RASSF4: variants seen among roughly 807,000 people sequenced by gnomAD.
RASSF4 encodes ras association domain-containing protein 4.
A neutral mutation model predicts 41.1 loss-of-function variants in RASSF4; 38 were observed. That is an observed-to-expected ratio of 0.92 (90% CI 0.71 to 1.21). RASSF4 has a LOEUF of 1.21. RASSF4 is among the 50% of genes most tolerant of loss of function. The pLI, the probability that RASSF4 is intolerant of heterozygous loss-of-function variation, is 0.00. For missense variants in RASSF4, 414 were observed against 419.4 expected (o/e 0.99, Z 0.11); for synonymous variants, 179 against 163.4 (o/e 1.10, Z -0.73).
At chr10:44,975,690 T>G (rs1050517221) in intron 3 of RASSF4, among the ~76,000 whole-genome samples, 6 of 147,886 alleles carry the variant, frequency 4.1e-5, no homozygotes, top group Non-Finnish European at 8.9e-5. Flanking sequence ...CCTGGGCCTC[T>G]CTGCAGGAGC....
At chr10:44,965,339 T>C (rs1205135332) in intron 1 of RASSF4, among the ~76,000 whole-genome samples, 1 of 152,196 alleles carries the variant, frequency 6.6e-6, no homozygotes, top group African/African-American at 2.4e-5. Flanking sequence ...CAGTCTCTCC[T>C]GGATGTGGGG....
chr10:44,992,675 G>A (rs907731494), intron 10 of RASSF4, among the ~76,000 whole-genome samples: 1 of 152,188 alleles, frequency 6.6e-6, no homozygotes, highest in Non-Finnish European at 1.5e-5. Context: ...GGAAAGGGCA[G>A]GAGCTCACTG....
intron 3 of RASSF4, among the ~76,000 whole-genome samples, chr10:44,980,669 A>G (rs1841670788): frequency 6.6e-6 from 1 of 152,166 alleles, no homozygotes; most frequent in South Asian, 2.1e-4. Flanking sequence ...GCTCCATTGC[A>G]TCTCCTTCTG....
Position 44,984,990 on chromosome 10 carries a change from T to G in RASSF4, c.531+20T>G. On this transcript the variant is annotated intron_variant, in intron 6 of 10. Transcript: ENST00000340258. The stretch of plus-strand genomic sequence containing the variant: ...CATAAGGTGATGCCCCAGCCTGGCC[T>G]CTCCCCTGGGCGCATGGGGAGCCAG... The G allele has an allele frequency of 6.2e-7, 1 of 1,602,300 alleles. No individual in the cohort carries two copies. Among genetic ancestry groups the G allele is most frequent in the Non-Finnish European group, 8.5e-7 (1 of 1,176,324 alleles).
At chr10:44,970,398 G>A (rs1391286733) in intron 2 of RASSF4, 134 bp downstream of exon 2, 3 of 707,404 alleles carry the variant, frequency 4.2e-6, no homozygotes, top group African/African-American at 3.5e-5. Context: ...GACAGTGATG[G>A]GGTGCTTCTT....
chr10:44,974,514 T>G (rs1176327092), intron 3 of RASSF4, among the ~76,000 whole-genome samples: 1 of 152,208 alleles, frequency 6.6e-6, no homozygotes, highest in Non-Finnish European at 1.5e-5. Flanking sequence ...TGAACAGGTC[T>G]CAGGGACACA....
intron 6 of RASSF4, 66 bp downstream of exon 6, chr10:44,985,036 A>G: frequency 6.5e-7 from 1 of 1,549,936 alleles, no homozygotes; most frequent in Non-Finnish European, 8.8e-7. Context: ...AGGCACAGCA[A>G]GCACCATGAC....
chr10:44,982,880 C>T, intron 4 of RASSF4: 1 of 711,392 alleles, frequency 1.4e-6, no homozygotes, highest in East Asian at 2.7e-5. Context: ...CCCATGACCT[C>T]TATTTCTGTT....
intron 3 of RASSF4, chr10:44,977,862 C>T (rs777434749): frequency 7.5e-6 from 12 of 1,610,686 alleles, no homozygotes; most frequent in Non-Finnish European, 9.3e-6. Context: ...TGGGCCGTGG[C>T]CTTGTCCAGC....
chr10:44,978,367 T>G (rs369197055), intron 3 of RASSF4: 37 of 262,210 alleles, frequency 1.4e-4, no homozygotes, highest in African/African-American at 8.3e-4. Flanking sequence ...CATGGGACCT[T>G]TGGCAAGGCC....
rs1222024890 is a variant in RASSF4 at position 44,984,094 on chromosome 10, G to A, written c.354G>A (p.Glu118=). The change falls in exon 5 of 11, where the codon GAG becomes GAA. Residue 118 remains glutamate (E), a synonymous_variant. Coordinates refer to ENST00000340258, the MANE Select transcript of RASSF4 (RefSeq NM_032023.4). ...GPSIQPVHKA[E]SSTDSSGPLE... ...GCATTCAGCCAGTGCACAAGGCTGA[G>A]AGTTCCACAGACAGCTCGGGTAAGC... The A allele has an allele frequency of 6.2e-7, 1 of 1,604,282 alleles. No homozygotes were observed. Among genetic ancestry groups the A allele is most frequent in the African/African-American group, 1.3e-5 (1 of 74,938 alleles).
intron 3 of RASSF4, chr10:44,977,514 A>C (rs543081541): frequency 6.2e-7 from 1 of 1,613,408 alleles, no homozygotes; most frequent in African/African-American, 1.3e-5. Context: ...CTTAGGTCAG[A>C]GCTCTGCTGC....
intron 3 of RASSF4, among the ~76,000 whole-genome samples, chr10:44,980,448 G>A (rs1323953503): frequency 5.9e-5 from 9 of 152,208 alleles, no homozygotes; most frequent in Non-Finnish European, 1.3e-4. Flanking sequence ...GCTGGGGGAG[G>A]GTGAACAGTG....
chr10:44,990,626 A>G, intron 8 of RASSF4: 2 of 186,564 alleles, frequency 1.1e-5, no homozygotes, highest in Non-Finnish European at 2.2e-5. Flanking sequence ...ATCATTGCCT[A>G]GAGAGGGACG....
At chr10:44,992,039 A>G (rs1431805371) in intron 10 of RASSF4, 37 bp downstream of exon 10, 10 of 1,368,710 alleles carry the variant, frequency 7.3e-6, no homozygotes, top group Middle Eastern at 1.8e-4. Flanking sequence ...TGGGTCCTGA[A>G]CATCAGGGCA....
intron 6 of RASSF4, among the ~76,000 whole-genome samples, chr10:44,987,980 T>C (rs553324140): frequency 6.6e-6 from 1 of 152,334 alleles, no homozygotes; most frequent in East Asian, 1.9e-4. Context: ...GCGGGGATAC[T>C]GAATAGGTCC....
In RASSF4 at chr10:44,971,888, C is replaced by T. The variant is rs143232155; in HGVS notation, c.138+40C>T. ...CTTGTTCATGGGGTCACCATGTACC[C>T]TGGGAGGCCCTGCCTGATACCTGTT... On this transcript the variant is annotated intron_variant, in intron 3 of 10. Transcript: ENST00000340258. The T allele has an allele frequency of 4.1e-4, 581 of 1,420,880 alleles. 2 individuals carry two copies. In the African/African-American group the frequency reaches 6.0e-3, roughly 15 times the overall value. The allele number at this position is 1,420,880 out of a possible 1,614,324, so 88.0% of individuals were successfully genotyped here.
intron 6 of RASSF4, among the ~76,000 whole-genome samples, chr10:44,987,204 A>G (rs1040882465): frequency 6.6e-6 from 1 of 152,182 alleles, no homozygotes; most frequent in African/African-American, 2.4e-5. Flanking sequence ...TCCTAGGTTC[A>G]AGCGATTCTT....
chr10:44,963,306 G>A (rs561989433), intron 1 of RASSF4, among the ~76,000 whole-genome samples: 4 of 152,114 alleles, frequency 2.6e-5, no homozygotes, highest in African/African-American at 4.8e-5. Context: ...CTGAGTCGCC[G>A]CCTGCCATCT....
Sources: gnomAD v4.1 joint callset for allele counts (sites outside exome capture counted in the v4.1 genomes callset) on GRCh38, gnomAD v4.1.1 for gene constraint, MANE v1.5 for transcripts, NCBI Gene and HGNC (gene_info 2026-07-23, HGNC 2026-07-21) for gene names.